Variants in ABHD18 observed in about 807,000 individuals in gnomAD.
The protein encoded by ABHD18 is abhydrolase domain containing 18.
A neutral mutation model predicts 65.9 loss-of-function variants in ABHD18; 55 were observed. The observed-to-expected ratio is 0.84, with a 90% CI of 0.67 to 1.05. The LOEUF is 1.05. Among genes scored for constraint, ABHD18 ranks in the 50% least tolerant of loss-of-function variants. ABHD18 has a pLI of 0.00. For missense variants in ABHD18, 533 were observed against 558.5 expected (o/e 0.95, Z 0.46); for synonymous variants, 181 against 180.2 (o/e 1.00, Z -0.04).
intron 8 of ABHD18, among the ~76,000 whole-genome samples, chr4:128,018,809 T>A (rs1243263393): frequency 6.6e-6 from 1 of 150,820 alleles, no homozygotes; most frequent in Non-Finnish European, 1.5e-5. Context: ...AGGTCAGGAG[T>A]TCAAGACCAG....
chr4:127,974,084 T>C (rs573064710), intron 1 of ABHD18, among the ~76,000 whole-genome samples: 104 of 152,028 alleles, frequency 6.8e-4, no homozygotes, highest in Admixed American at 1.3e-3. Flanking sequence ...TGCAAGAGAT[T>C]TGTTCTTCAA....
chr4:127,996,960 G>C (rs1466070700), intron 4 of ABHD18, among the ~76,000 whole-genome samples: 1 of 152,120 alleles, frequency 6.6e-6, no homozygotes, highest in African/African-American at 2.4e-5. Context: ...TTCATATTGT[G>C]CAAACACACA....
intron 4 of ABHD18, among the ~76,000 whole-genome samples, chr4:128,003,960 AAACAAAAAAAAACC>A (rs1481486426): frequency 4.6e-5 from 7 of 150,542 alleles, no homozygotes; most frequent in African/African-American, 1.7e-4. Flanking sequence ...AAAAAAAAAA[AAACAAAAAAAAACC>A]AAACAAACAA....
intron 4 of ABHD18, among the ~76,000 whole-genome samples, chr4:128,000,690 A>G (rs1752509958): frequency 1.3e-5 from 2 of 152,232 alleles, no homozygotes; most frequent in Non-Finnish European, 2.9e-5. Flanking sequence ...GTAGTTTTAT[A>G]GGAATAGCAT....
rs369637246 is a variant in ABHD18 at position 128,025,081 on chromosome 4, G to A, written c.802-3394G>A. Among the ~76,000 whole-genome samples, 24 of 152,244 alleles carry A rather than the reference G, an allele frequency of 1.6e-4. 1 individual carries two copies. In the South Asian group the frequency reaches 4.6e-3, roughly 29 times the overall value. The stretch of plus-strand genomic sequence containing the variant: ...TATAAATAGATACATATAGTGAAAA[G>A]ATTCCTACCCCATCTGTGCTTAGGT... On this transcript the variant is annotated intron_variant, in intron 10 of 12. Transcript: ENST00000645843.
intron 6 of ABHD18, among the ~76,000 whole-genome samples, chr4:128,011,355 A>C (rs992217947): frequency 6.6e-6 from 1 of 151,964 alleles, no homozygotes; most frequent in Non-Finnish European, 1.5e-5. Flanking sequence ...TCACCATGTT[A>C]GCCAGGATGG....
intron 6 of ABHD18, 125 bp from the exon 7 acceptor site, chr4:128,011,548 C>A: frequency 6.0e-6 from 3 of 496,790 alleles, no homozygotes; most frequent in South Asian, 3.7e-5. Flanking sequence ...AAACAGCCTA[C>A]TTAAGATAAT....
intron 4 of ABHD18, among the ~76,000 whole-genome samples, chr4:127,992,662 C>T (rs781697778): frequency 5.3e-5 from 8 of 152,070 alleles, no homozygotes; most frequent in Admixed American, 2.0e-4. Flanking sequence ...CCTCAGCCTC[C>T]TGAGTAGTTG....
chr4:127,983,126 T>G, intron 2 of ABHD18, 79 bp downstream of exon 2: 1 of 963,366 alleles, frequency 1.0e-6, no homozygotes. Context: ...ATAAAATCCT[T>G]TACTCTCAAA....
intron 1 of ABHD18, among the ~76,000 whole-genome samples, chr4:127,976,918 A>G (rs1005776152): frequency 3.3e-5 from 5 of 152,022 alleles, no homozygotes; most frequent in East Asian, 1.9e-4. Flanking sequence ...GCGGGCACCT[A>G]TAGTCCTAGC....
At chr4:128,022,979 C>G (rs944247275) in intron 10 of ABHD18, among the ~76,000 whole-genome samples, 2 of 152,066 alleles carry the variant, frequency 1.3e-5, no homozygotes, top group Non-Finnish European at 2.9e-5. Flanking sequence ...CCATATTGGT[C>G]AGGCTGGTCT....
At chr4:128,031,805 T>G (rs548920376) in intron 12 of ABHD18, among the ~76,000 whole-genome samples, 5 of 152,328 alleles carry the variant, frequency 3.3e-5, no homozygotes, top group Admixed American at 1.3e-4. Flanking sequence ...AAACCTTTCT[T>G]TTTATAGTAT....
At chr4:128,010,456 G>C (rs530917776) in intron 6 of ABHD18, among the ~76,000 whole-genome samples, 8 of 151,922 alleles carry the variant, frequency 5.3e-5, no homozygotes, top group Non-Finnish European at 7.4e-5. Flanking sequence ...TTGAACCCAG[G>C]AGACAGGTTG....
rs61578534 is a variant in ABHD18, at chr4:128,039,144, C to CATATATATAT, written c.*3363_*3372dup. The CATATATATAT allele has an allele frequency of 3.4e-4, 34 of 99,720 alleles. No homozygotes were observed. Among genetic ancestry groups the CATATATATAT allele is most frequent in the Admixed American group, 5.6e-4 (5 of 8,996 alleles). The allele number at this position is 99,720 out of a possible 1,614,324, so 6.2% of individuals were successfully genotyped here. ...TATGTATTATATATACACACATATG[C>CATATATATAT]ATATATATATATATATATATATATA... On this transcript the variant is annotated 3_prime_UTR_variant, in exon 13 of 13. Transcript: ENST00000645843.
chr4:128,018,712 CTT>C (rs1301446897), intron 8 of ABHD18, among the ~76,000 whole-genome samples: 1 of 151,888 alleles, frequency 6.6e-6, no homozygotes, highest in East Asian at 1.9e-4. Context: ...AGCTCAAAAA[CTT>C]ACTCAAATTC....
intron 4 of ABHD18, 61 bp downstream of exon 4, chr4:127,989,882 T>C: frequency 1.9e-6 from 2 of 1,039,456 alleles, no homozygotes; most frequent in Non-Finnish European, 2.8e-6. Context: ...AATTATAATA[T>C]CAACACTATG....
At position 128,017,382 on chromosome 4, in the gene ABHD18, G is replaced by A. The variant is rs939047850; in HGVS notation, c.490G>A (p.Val164Met). The A allele has an allele frequency of 1.9e-6, 3 of 1,613,572 alleles. No homozygotes were observed. Among genetic ancestry groups the A allele is most frequent in the African/African-American group, 2.7e-5 (2 of 74,902 alleles). Reference sequence around the variant, plus strand: ...GGCTAGAAGGTCCAGCTTAAAAAATGTGTCCGACCTTTTTGTGATGGGAGG... The same window carrying A: ...GGCTAGAAGGTCCAGCTTAAAAAATATGTCCGACCTTTTTGTGATGGGAGG... ...KDQVRSSLKN[V>M]SDLFVMGGAL... The change falls in exon 8 of 13, where the codon GTG becomes ATG. Residue 164 changes from valine to methionine, a missense_variant. Val to Met is a conservative substitution (Grantham distance 21). Around this residue, in one of 3 missense-constraint regions of ABHD18, gnomAD observed 309 missense variants for 313.5 expected, o/e 0.99. Coordinates refer to ENST00000645843, the MANE Select transcript of ABHD18 (RefSeq NM_001358451.3).
Position 128,019,007 on chromosome 4 carries a change from A to C in ABHD18, c.610-1073A>C, listed in dbSNP as rs566772438. On this transcript the variant is annotated intron_variant, in intron 8 of 12. Coordinates refer to ENST00000645843, the MANE Select transcript of ABHD18 (RefSeq NM_001358451.3). ...CTAGCGTGAGCAACAGAGTGAGACTACATCTCAAAAAAAAAAAAAAAAAAA... is the reference window on the plus strand; with the variant it reads ...CTAGCGTGAGCAACAGAGTGAGACTCCATCTCAAAAAAAAAAAAAAAAAAA... Among the ~76,000 whole-genome samples, 205 of 145,384 alleles carry C rather than the reference A, an allele frequency of 1.4e-3. 1 individual carries two copies. Among genetic ancestry groups the C allele is most frequent in the Admixed American group, 6.4e-3 (92 of 14,454 alleles).
At chr4:128,034,893 C>T (rs911031519) in intron 12 of ABHD18, among the ~76,000 whole-genome samples, 1 of 152,124 alleles carries the variant, frequency 6.6e-6, no homozygotes, top group Non-Finnish European at 1.5e-5. Context: ...TTCAGGTGAT[C>T]CGCCTGCCTC....
Sources: allele counts gnomAD v4.1 joint callset (sites outside exome capture counted in the v4.1 genomes callset), GRCh38; gene constraint gnomAD v4.1.1; regional missense constraint gnomAD v4.1.1; transcripts MANE v1.5; gene names NCBI Gene and HGNC (gene_info 2026-07-23, HGNC 2026-07-21).